The following HS3ST5 variants were observed in gnomAD, a reference collection of about 807,000 sequenced individuals.
HS3ST5 encodes the protein heparan sulfate glucosamine 3-O-sulfotransferase 5.
HS3ST5 carries 10 observed loss-of-function variants against 25.4 expected under a neutral mutation model. The ratio of observed to expected loss-of-function variants is 0.39; its 90% CI spans 0.24 to 0.67. HS3ST5 has a LOEUF of 0.67. HS3ST5 is among the 30% of genes least tolerant of loss of function. The pLI, the probability that HS3ST5 is intolerant of heterozygous loss-of-function variation, is 0.44. For missense variants in HS3ST5, 324 were observed against 420.7 expected (o/e 0.77, Z 2.01); for synonymous variants, 170 against 162.4 (o/e 1.05, Z -0.36).
chr6:114,135,572 C>T (rs1161357753), intron 3 of HS3ST5, among the ~76,000 whole-genome samples: 1 of 152,188 alleles, frequency 6.6e-6, no homozygotes, highest in African/African-American at 2.4e-5. Flanking sequence ...GCTCCTGGCT[C>T]ATCTGCTCAC....
chr6:114,069,801 C>T lies in HS3ST5; in HGVS notation c.-32-6924G>A, dbSNP rs142946383. Among the ~76,000 whole-genome samples, 37 of 152,106 alleles carry T rather than the reference C, an allele frequency of 2.4e-4. No individual in the cohort carries two copies. In the East Asian group the frequency reaches 6.6e-3, roughly 27 times the overall value. On this transcript the variant is annotated intron_variant, in intron 3 of 4. Coordinates refer to ENST00000312719, the MANE Select transcript of HS3ST5 (RefSeq NM_153612.4). ...CCTCCCAAAGTTCTAGGATTACAGG[C>T]GTGAGTCACCACACCCGGCCCATGG...
intron 1 of HS3ST5, among the ~76,000 whole-genome samples, chr6:114,280,720 C>A (rs547467742): frequency 1.3e-5 from 2 of 152,070 alleles, no homozygotes; most frequent in Admixed American, 6.6e-5. Flanking sequence ...TTTGGATGAG[C>A]CTTCAGAGAT....
At chr6:114,189,004 C>G (rs2114285022) in intron 2 of HS3ST5, among the ~76,000 whole-genome samples, 1 of 152,102 alleles carries the variant, frequency 6.6e-6, no homozygotes, top group South Asian at 2.1e-4. Context: ...TTTCTTGATT[C>G]CTTAAATCAT....
At chr6:114,331,448 G>A (rs1279373939) in intron 1 of HS3ST5, among the ~76,000 whole-genome samples, 3 of 152,068 alleles carry the variant, frequency 2.0e-5, no homozygotes, top group Non-Finnish European at 4.4e-5. Flanking sequence ...ATGTACTTTA[G>A]AGGAAAGCAA....
chr6:114,304,412 G>C (rs1775206770), intron 1 of HS3ST5, among the ~76,000 whole-genome samples: 1 of 152,062 alleles, frequency 6.6e-6, no homozygotes, highest in Non-Finnish European at 1.5e-5. Flanking sequence ...TGCATAGTAA[G>C]TGCTGTGATT....
chr6:114,169,458 C>T (rs1408193414), intron 2 of HS3ST5, among the ~76,000 whole-genome samples: 1 of 152,142 alleles, frequency 6.6e-6, no homozygotes, highest in East Asian at 1.9e-4. Flanking sequence ...GTCAACTCTT[C>T]ACCTCACAAC....
At chr6:114,095,661 C>G (rs1775383904) in intron 3 of HS3ST5, among the ~76,000 whole-genome samples, 1 of 152,082 alleles carries the variant, frequency 6.6e-6, no homozygotes, top group Non-Finnish European at 1.5e-5. Context: ...CTTTCTCTAC[C>G]AGCTCTCATC....
chr6:114,082,901 G>C (rs1022951964), intron 3 of HS3ST5, among the ~76,000 whole-genome samples: 15 of 152,136 alleles, frequency 9.9e-5, no homozygotes, highest in Admixed American at 1.3e-4. Flanking sequence ...AGCCAACAGG[G>C]GAACAACACA....
chr6:114,234,188 T>G (rs1437781085), intron 1 of HS3ST5, among the ~76,000 whole-genome samples: 1 of 152,142 alleles, frequency 6.6e-6, no homozygotes, highest in Admixed American at 6.5e-5. Context: ...ACTTGAAGCT[T>G]GCCTAAGGCA....
Position 114,270,954 on chromosome 6 carries a change from A to T in HS3ST5, c.-338-42176T>A, listed in dbSNP as rs558047853. On this transcript the variant is annotated intron_variant, in intron 1 of 4. Transcript: ENST00000312719. ...TGTTTAGGTTCCATGTTTTTTTTTT[A>T]AAAATGCCCCAAGTAGACTTATTAT... is the stretch of plus-strand genomic sequence containing the variant. 8.6e-4 allele frequency among the ~76,000 whole-genome samples: 130 copies of T among 150,468 alleles called. 1 individual carries two copies. Among genetic ancestry groups the T allele is most frequent in the East Asian group, 3.9e-4 (2 of 5,138 alleles).
chr6:114,141,093 C>A (rs1242453251), intron 3 of HS3ST5, among the ~76,000 whole-genome samples: 1 of 152,164 alleles, frequency 6.6e-6, no homozygotes, highest in Non-Finnish European at 1.5e-5. Context: ...CAAGAGGACA[C>A]CTCTGGCTAC....
At chr6:114,090,108 T>G (rs1775045153) in intron 3 of HS3ST5, among the ~76,000 whole-genome samples, 1 of 152,190 alleles carries the variant, frequency 6.6e-6, no homozygotes, top group Non-Finnish European at 1.5e-5. Context: ...AATGTGGGGC[T>G]TAGGCTTTAA....
At chr6:114,304,515 A>G (rs1358847390) in intron 1 of HS3ST5, among the ~76,000 whole-genome samples, 4 of 152,094 alleles carry the variant, frequency 2.6e-5, no homozygotes, top group African/African-American at 9.7e-5. Flanking sequence ...TGGCAAAAGA[A>G]GCTTTATTTT....
intron 3 of HS3ST5, among the ~76,000 whole-genome samples, chr6:114,158,190 G>T (rs994246129): frequency 6.6e-5 from 10 of 152,160 alleles, no homozygotes; most frequent in African/African-American, 2.4e-4. Context: ...ACTATTTCTG[G>T]TGGAATCCCT....
intron 1 of HS3ST5, among the ~76,000 whole-genome samples, chr6:114,290,159 T>G (rs183649392): frequency 1.2e-4 from 19 of 152,270 alleles, no homozygotes; most frequent in African/African-American, 4.1e-4. Flanking sequence ...TTTTTGTGGT[T>G]GTTGTTGTTT....
chr6:114,078,921 G>C (rs1313442487), intron 3 of HS3ST5, among the ~76,000 whole-genome samples: 2 of 152,136 alleles, frequency 1.3e-5, no homozygotes, highest in Non-Finnish European at 2.9e-5. Context: ...CAGATCATTT[G>C]GTTTCCCAAG....
intron 3 of HS3ST5, among the ~76,000 whole-genome samples, chr6:114,068,742 T>TTTA (rs910497090): frequency 4.6e-5 from 7 of 152,154 alleles, no homozygotes; most frequent in African/African-American, 1.7e-4. Context: ...TTTTAGAAAG[T>TTTA]TTATTATTTC....
chr6:114,084,266 T>G, intron 3 of HS3ST5: 1 of 852,718 alleles, frequency 1.2e-6, no homozygotes, highest in Non-Finnish European at 2.0e-6. Context: ...CAATATTCAG[T>G]AGGGAACTGC....
chr6:114,275,933 C>A (rs1419564155), intron 1 of HS3ST5, among the ~76,000 whole-genome samples: 1 of 151,902 alleles, frequency 6.6e-6, no homozygotes, highest in East Asian at 1.9e-4. Flanking sequence ...GTAGTTTGGG[C>A]TTAGGCATCA....
Sources: gnomAD v4.1 joint callset for allele counts (sites outside exome capture counted in the v4.1 genomes callset) on GRCh38, gnomAD v4.1.1 for gene constraint, MANE v1.5 for transcripts, NCBI Gene and HGNC (gene_info 2026-07-23, HGNC 2026-07-21) for gene names.